The following ELMO1 variants were observed in gnomAD, a reference collection of about 807,000 sequenced individuals.
ELMO1 encodes the protein engulfment and cell motility 1.
ELMO1 carries 26 observed loss-of-function variants against 98.9 expected under a neutral mutation model. The ratio of observed to expected loss-of-function variants is 0.26; its 90% CI spans 0.19 to 0.36. ELMO1 has a LOEUF of 0.36. Among genes scored for constraint, ELMO1 ranks in the 10% least tolerant of loss-of-function variants. The pLI, the probability that ELMO1 is intolerant of heterozygous loss-of-function variation, is 1.00. For missense variants in ELMO1, 627 were observed against 935.2 expected, an observed-to-expected ratio of 0.67 and a Z score of 4.30; for synonymous variants, 346 against 346.0, an observed-to-expected ratio of 1.00 and a Z score of 0.00.
chr7:37,342,829 C>T lies in ELMO1; in HGVS notation c.-73-66G>A, dbSNP rs1193533404. On this transcript the variant is annotated intron_variant, in intron 1 of 21. Transcript: ENST00000310758. The surrounding 1 kb of genome is among the most constrained non-coding windows in gnomAD (Gnocchi z 4.3). ...TGCAGATGCAGGGTGAATTTTGCTTCATCACTTCCTGTTTTCACTGGTGGT... is the reference window on the plus strand; with the variant it reads ...TGCAGATGCAGGGTGAATTTTGCTTTATCACTTCCTGTTTTCACTGGTGGT... 2 of 749,070 alleles carry T rather than the reference C, an allele frequency of 2.7e-6. No homozygotes were observed. Among genetic ancestry groups the T allele is most frequent in the Non-Finnish European group, 4.2e-6 (2 of 471,076 alleles). The allele number at this position is 749,070 out of a possible 1,614,324, so 46.4% of individuals were successfully genotyped here.
At chr7:37,151,724 AGAGATG>A (rs1443645422) in intron 13 of ELMO1, among the ~76,000 whole-genome samples, 1 of 152,212 alleles carries the variant, frequency 6.6e-6, no homozygotes, top group African/African-American at 2.4e-5. Context: ...AAAAGACAAG[AGAGATG>A]GACATAGTTC....
chr7:36,965,258 C>G (rs2129125633), intron 16 of ELMO1, among the ~76,000 whole-genome samples: 1 of 152,320 alleles, frequency 6.6e-6, no homozygotes, highest in Non-Finnish European at 1.5e-5. Flanking sequence ...TCCCTGAGGA[C>G]AGTCCCCTTG....
At chr7:37,047,573 T>C (rs779524982) in intron 15 of ELMO1, among the ~76,000 whole-genome samples, 3 of 152,240 alleles carry the variant, frequency 2.0e-5, no homozygotes, top group Admixed American at 6.5e-5. Context: ...AAGGAAATTC[T>C]GGCTGCAACA....
At chr7:37,040,377 T>G (rs1433356510) in intron 15 of ELMO1, among the ~76,000 whole-genome samples, 1 of 152,190 alleles carries the variant, frequency 6.6e-6, no homozygotes, top group Non-Finnish European at 1.5e-5. Context: ...AAACAGTTCT[T>G]GCATAATAGG....
At chr7:37,142,675 C>T (rs781403985) in intron 13 of ELMO1, among the ~76,000 whole-genome samples, 6 of 152,166 alleles carry the variant, frequency 3.9e-5, no homozygotes, top group Non-Finnish European at 7.3e-5. Flanking sequence ...GTAGGCTAAT[C>T]AATATTAGCC....
Position 36,983,915 on chromosome 7 carries a change from T to G in ELMO1, c.1437+29384A>C, listed in dbSNP as rs142302769. Among the ~76,000 whole-genome samples the G allele has an allele frequency of 4.2e-3, 643 of 152,234 alleles. 11 individuals are homozygous for G. The highest frequency in any genetic ancestry group is 0.015 in the African/African-American group (614 of 41,534). On this transcript the variant is annotated intron_variant, in intron 16 of 21. Coordinates refer to ENST00000310758, the MANE Select transcript of ELMO1 (RefSeq NM_014800.11). ...AGAGAGGAGGTTCATAGCTTTCACA[T>G]TCTTAAAGAGTTCCATGATCCAATA... is the stretch of plus-strand genomic sequence containing the variant.
At chr7:37,122,478 G>A (rs1229946854) in intron 14 of ELMO1, among the ~76,000 whole-genome samples, 2 of 152,162 alleles carry the variant, frequency 1.3e-5, no homozygotes, top group South Asian at 2.1e-4. Flanking sequence ...AAAGGCAGGG[G>A]TTGGAATCCT....
intron 4 of ELMO1, among the ~76,000 whole-genome samples, chr7:37,309,283 A>T (rs1343065136): frequency 6.6e-6 from 1 of 152,160 alleles, no homozygotes; most frequent in Non-Finnish European, 1.5e-5. Flanking sequence ...AGCTCTCAAG[A>T]GACTTATTCA....
At chr7:37,037,553 G>A (rs1024533201) in intron 15 of ELMO1, among the ~76,000 whole-genome samples, 2 of 152,190 alleles carry the variant, frequency 1.3e-5, no homozygotes, top group African/African-American at 4.8e-5. Context: ...AGCACACTGG[G>A]CACAGGTTTT....
At chr7:37,326,786 G>A (rs1333438189) in intron 2 of ELMO1, among the ~76,000 whole-genome samples, 1 of 152,056 alleles carries the variant, frequency 6.6e-6, no homozygotes, top group Admixed American at 6.6e-5. Flanking sequence ...ATGTATTAAC[G>A]GGTTAAAGAC....
chr7:37,338,185 T>G (rs886615470), intron 2 of ELMO1, among the ~76,000 whole-genome samples: 3 of 152,186 alleles, frequency 2.0e-5, no homozygotes, highest in Non-Finnish European at 4.4e-5. Context: ...TTCTTTAATC[T>G]TCACAAGGAC....
intron 16 of ELMO1, among the ~76,000 whole-genome samples, chr7:36,990,256 G>A (rs1205778582): frequency 6.6e-6 from 1 of 152,142 alleles, no homozygotes; most frequent in Non-Finnish European, 1.5e-5. Context: ...AGTACATAAA[G>A]CTTACAGAGC....
chr7:36,954,466 G>C (rs1422232746), intron 16 of ELMO1, among the ~76,000 whole-genome samples: 2 of 152,192 alleles, frequency 1.3e-5, no homozygotes, highest in Non-Finnish European at 2.9e-5. Context: ...AATGTGATGG[G>C]AGACTGCAGT....
At chr7:36,955,424 C>T (rs1454018986) in intron 16 of ELMO1, among the ~76,000 whole-genome samples, 3 of 152,222 alleles carry the variant, frequency 2.0e-5, no homozygotes, top group Admixed American at 1.3e-4. Context: ...ACACACTGAA[C>T]AGGTGTAAAA....
intron 7 of ELMO1, among the ~76,000 whole-genome samples, chr7:37,233,565 A>G (rs1794301803): frequency 6.6e-6 from 1 of 152,200 alleles, no homozygotes; most frequent in Non-Finnish European, 1.5e-5. Context: ...CTTACTTAAT[A>G]AAGTATGTAG....
chr7:37,295,701 TAGA>T (rs1797992381), intron 4 of ELMO1, among the ~76,000 whole-genome samples: 1 of 152,146 alleles, frequency 6.6e-6, no homozygotes, highest in Non-Finnish European at 1.5e-5. Context: ...CTTTTTGTTC[TAGA>T]AGGAGGAAAA....
At chr7:37,335,890 T>C (rs1800376893) in intron 2 of ELMO1, among the ~76,000 whole-genome samples, 1 of 152,152 alleles carries the variant, frequency 6.6e-6, no homozygotes, top group African/African-American at 2.4e-5. Flanking sequence ...ATGTGTCTCC[T>C]AGCACAAATA....
intron 16 of ELMO1, among the ~76,000 whole-genome samples, chr7:36,986,845 T>C (rs1412863402): frequency 6.6e-6 from 1 of 152,000 alleles, no homozygotes. Context: ...GGGGTCCCAC[T>C]GGGAGGATTT....
At chr7:37,158,630 C>A (rs367977227) in intron 13 of ELMO1, among the ~76,000 whole-genome samples, 1 of 152,044 alleles carries the variant, frequency 6.6e-6, no homozygotes, top group Admixed American at 6.6e-5. Flanking sequence ...GTTAGAATGG[C>A]GATCATTAAA....
Sources: allele counts gnomAD v4.1 joint callset (sites outside exome capture counted in the v4.1 genomes callset), GRCh38; gene constraint gnomAD v4.1.1; non-coding constraint Gnocchi (gnomAD v3.1); transcripts MANE v1.5; gene names NCBI Gene and HGNC (gene_info 2026-07-23, HGNC 2026-07-21).